The following TLL2 variants were observed in gnomAD, a reference collection of about 807,000 sequenced individuals.
TLL2 encodes the protein tolloid like 2.
A neutral mutation model predicts 123.0 loss-of-function variants in TLL2; 106 were observed. The observed-to-expected ratio is 0.86, with a 90% confidence interval of 0.74 to 1.01. TLL2 has a LOEUF of 1.01. TLL2 is among the 50% of genes least tolerant of loss of function. The pLI is 0.00. For synonymous variants in TLL2, 494 were observed against 516.8 expected (o/e 0.96, Z 0.60); for missense variants, 1,332 against 1,336.7 (o/e 1.00, Z 0.06).
rs375841222 is a variant in TLL2 at position 96,404,045 on chromosome 10, C to T, written c.1267+1187G>A. Reference sequence around the variant, plus strand: ...CTTCTCCTTATTATCACCCTGCTCTCCTACTACATTCCTTTTTGCTGAAAT... The same window carrying T: ...CTTCTCCTTATTATCACCCTGCTCTTCTACTACATTCCTTTTTGCTGAAAT... On this transcript the variant is annotated intron_variant, in intron 10 of 20. Coordinates refer to ENST00000357947, the MANE Select transcript of TLL2 (RefSeq NM_012465.4). Among the ~76,000 whole-genome samples, 125 of 152,160 alleles carry T rather than the reference C, an allele frequency of 8.2e-4. 1 individual carries two copies. The highest frequency in any genetic ancestry group is 6.8e-3 in the Middle Eastern group (2 of 294).
chr10:96,431,336 A>G (rs551206609), intron 4 of TLL2, among the ~76,000 whole-genome samples: 1 of 152,324 alleles, frequency 6.6e-6, no homozygotes, highest in Non-Finnish European at 1.5e-5. Context: ...TGCGGGAGCG[A>G]AAGGGAACTG....
At chr10:96,385,980 CCAGCCCCT>C in intron 15 of TLL2, 67 bp downstream of exon 15, 1 of 1,416,392 alleles carries the variant, frequency 7.1e-7, no homozygotes, top group Middle Eastern at 1.9e-4. Context: ...CCCTGCCCTC[CCAGCCCCT>C]CACTGGTTTC....
chr10:96,489,045 A>G (rs959671580), intron 1 of TLL2, among the ~76,000 whole-genome samples: 1 of 152,244 alleles, frequency 6.6e-6, no homozygotes, highest in African/African-American at 2.4e-5. Flanking sequence ...GCCCAGGAAC[A>G]GCAAAGAGCG....
In TLL2 at chr10:96,376,594, C is replaced by T. The variant is rs1813196359; in HGVS notation, c.2448+98G>A. ...GAGACCTGGAAATGTTGAGTAACTT[C>T]CAAGTTACAGAGCTGGGAAGTGGCA... On this transcript the variant is annotated intron_variant, in intron 18 of 20. Transcript: ENST00000357947. 5.2e-6 allele frequency: 7 copies of T among 1,348,722 alleles called. No homozygotes were observed. In the South Asian group the frequency reaches 8.4e-5, roughly 16 times the overall value. The allele number at this position is 1,348,722 out of a possible 1,614,324, so 83.5% of individuals were successfully genotyped here.
intron 3 of TLL2, among the ~76,000 whole-genome samples, chr10:96,436,726 C>G (rs1392188671): frequency 2.0e-5 from 3 of 151,708 alleles, no homozygotes; most frequent in African/African-American, 7.3e-5. Context: ...GGCTCTGTCA[C>G]CCAGGCTGGA....
chr10:96,503,512 A>G (rs978912743), intron 1 of TLL2, among the ~76,000 whole-genome samples: 2 of 152,200 alleles, frequency 1.3e-5, no homozygotes, highest in African/African-American at 4.8e-5. Context: ...GTGATACCAA[A>G]AAGAATCTCT....
chr10:96,388,133 G>A (rs1321954001), intron 13 of TLL2, among the ~76,000 whole-genome samples: 1 of 152,212 alleles, frequency 6.6e-6, no homozygotes, highest in African/African-American at 2.4e-5. Flanking sequence ...GCCAGGCACG[G>A]TGGCTCACGC....
At chr10:96,475,879 G>A (rs1847234469) in intron 2 of TLL2, among the ~76,000 whole-genome samples, 1 of 152,104 alleles carries the variant, frequency 6.6e-6, no homozygotes, top group Non-Finnish European at 1.5e-5. Flanking sequence ...ATGATAGTAA[G>A]TGGGTCTCAC....
intron 13 of TLL2, among the ~76,000 whole-genome samples, 172 bp downstream of exon 13, chr10:96,395,015 C>G (rs1846323664): frequency 6.6e-6 from 1 of 152,250 alleles, no homozygotes; most frequent in African/African-American, 2.4e-5. Flanking sequence ...TGCTCCTGAT[C>G]AGTTGGGAAC....
intron 2 of TLL2, among the ~76,000 whole-genome samples, chr10:96,462,539 T>C (rs1847091598): frequency 6.6e-6 from 1 of 152,182 alleles, no homozygotes; most frequent in Admixed American, 6.5e-5. Flanking sequence ...ATATACACTC[T>C]AGTATAAAGT....
At chr10:96,402,419 C>T (rs2134066081) in intron 10 of TLL2, among the ~76,000 whole-genome samples, 1 of 152,302 alleles carries the variant, frequency 6.6e-6, no homozygotes, top group East Asian at 1.9e-4. Flanking sequence ...AATCTGTATT[C>T]ATAGAAATCT....
At chr10:96,503,124 G>T (rs1460026554) in intron 1 of TLL2, among the ~76,000 whole-genome samples, 11 of 152,084 alleles carry the variant, frequency 7.2e-5, no homozygotes, top group Non-Finnish European at 7.4e-5. Context: ...TGCTTCATGG[G>T]TGAGAGCAAG....
intron 5 of TLL2, among the ~76,000 whole-genome samples, chr10:96,425,117 G>A (rs917068653): frequency 1.3e-5 from 2 of 151,144 alleles, no homozygotes; most frequent in Admixed American, 6.6e-5. Context: ...TTTGTGTATA[G>A]GTATATTCAT....
intron 13 of TLL2, 80 bp from the exon 14 acceptor site, chr10:96,387,158 CA>C: frequency 6.4e-7 from 1 of 1,566,436 alleles, no homozygotes; most frequent in Admixed American, 1.7e-5. Flanking sequence ...ATCCCAGTGT[CA>C]CCAGCAAGTG....
intron 1 of TLL2, among the ~76,000 whole-genome samples, chr10:96,502,738 T>C (rs963372833): frequency 3.3e-5 from 5 of 152,086 alleles, no homozygotes; most frequent in Non-Finnish European, 7.4e-5. Flanking sequence ...AGCTTGAGGC[T>C]GTTGCTGTGG....
intron 8 of TLL2, among the ~76,000 whole-genome samples, chr10:96,412,207 G>C (rs1267751356): frequency 6.6e-6 from 1 of 152,136 alleles, no homozygotes; most frequent in East Asian, 1.9e-4. Flanking sequence ...AAAGTTTCTT[G>C]AGGAAGCAAG....
intron 2 of TLL2, among the ~76,000 whole-genome samples, chr10:96,459,669 CAAAAAAAAAAAAAAAAAA>C (rs1165594084): frequency 1.2e-3 from 30 of 24,422 alleles, no homozygotes; most frequent in Admixed American, 2.3e-3. Context: ...GATCCTGTTT[CAAAAAAAAAAAAAAAAAA>C]AAAAAAAAAA....
At chr10:96,405,176 GCATCCCGGGGAA>G in intron 10 of TLL2, 44 bp downstream of exon 10, 1 of 1,522,534 alleles carries the variant, frequency 6.6e-7, no homozygotes, top group Non-Finnish European at 9.1e-7. Flanking sequence ...GACATTAACA[GCATCCCGGGGAA>G]CATCCCATCA....
chr10:96,466,614 G>T (rs2134096911), intron 2 of TLL2, among the ~76,000 whole-genome samples: 1 of 152,270 alleles, frequency 6.6e-6, no homozygotes, highest in South Asian at 2.1e-4. Context: ...CCAGCCCACT[G>T]CTGTCTGTTG....
Sources: allele counts gnomAD v4.1 joint callset (sites outside exome capture counted in the v4.1 genomes callset), GRCh38; gene constraint gnomAD v4.1.1; transcripts MANE v1.5; gene names NCBI Gene and HGNC (gene_info 2026-07-23, HGNC 2026-07-21).